The following GALNTL6 variants were observed in gnomAD, a reference collection of about 807,000 sequenced individuals.
GALNTL6 encodes the protein polypeptide N-acetylgalactosaminyltransferase-like 6.
A neutral mutation model predicts 73.7 loss-of-function variants in GALNTL6; 46 were observed. The ratio of observed to expected loss-of-function variants is 0.62; its 90% CI spans 0.49 to 0.80. GALNTL6 has a LOEUF of 0.80. GALNTL6 is among the 30% of genes least tolerant of loss of function. GALNTL6 has a pLI of 0.00. For missense variants in GALNTL6, 604 were observed against 755.0 expected (o/e 0.80, Z 2.34); for synonymous variants, 259 against 263.7 (o/e 0.98, Z 0.17).
At chr4:172,860,497 A>G (rs887899290) in intron 7 of GALNTL6, among the ~76,000 whole-genome samples, 1 of 152,156 alleles carries the variant, frequency 6.6e-6, no homozygotes, top group Non-Finnish European at 1.5e-5. Flanking sequence ...TTGAGGTTAA[A>G]TATCCCCAGC....
At chr4:172,062,799 C>T (rs1261548563) in intron 2 of GALNTL6, among the ~76,000 whole-genome samples, 1 of 152,232 alleles carries the variant, frequency 6.6e-6, no homozygotes, top group East Asian at 1.9e-4. Flanking sequence ...TTCTAGACCT[C>T]TGAATCTCCT....
At chr4:172,138,239 G>T (rs987629395) in intron 2 of GALNTL6, among the ~76,000 whole-genome samples, 1 of 151,110 alleles carries the variant, frequency 6.6e-6, no homozygotes, top group Non-Finnish European at 1.5e-5. Flanking sequence ...AGACTATACA[G>T]ATTATTATGA....
chr4:172,913,360 G>A (rs1252378781), intron 8 of GALNTL6, among the ~76,000 whole-genome samples: 3 of 152,212 alleles, frequency 2.0e-5, no homozygotes, highest in Non-Finnish European at 4.4e-5. Flanking sequence ...CTCCTCGCCA[G>A]CAACAGAACA....
At chr4:173,000,374 T>TA (rs1751994542) in intron 10 of GALNTL6, among the ~76,000 whole-genome samples, 2 of 152,170 alleles carry the variant, frequency 1.3e-5, no homozygotes, top group South Asian at 2.1e-4. Context: ...TAAAGACTCA[T>TA]AAAAAACCAC....
At chr4:172,871,442 A>G (rs1041869843) in intron 7 of GALNTL6, among the ~76,000 whole-genome samples, 3 of 151,900 alleles carry the variant, frequency 2.0e-5, no homozygotes, top group African/African-American at 7.2e-5. Flanking sequence ...AGATATGGCT[A>G]TACTGATCTA....
chr4:172,486,186 G>C (rs1045886641), intron 5 of GALNTL6, among the ~76,000 whole-genome samples: 3 of 152,014 alleles, frequency 2.0e-5, no homozygotes, highest in African/African-American at 7.2e-5. Flanking sequence ...TAAAAAGAAG[G>C]CTCCCAGCAA....
chr4:171,929,351 C>T (rs1053133710), intron 2 of GALNTL6, among the ~76,000 whole-genome samples: 7 of 152,144 alleles, frequency 4.6e-5, no homozygotes, highest in Non-Finnish European at 1.0e-4. Flanking sequence ...GGATTTTAGA[C>T]GTGAGCCTCC....
chr4:173,040,416 G>A lies in GALNTL6; in HGVS notation c.*316G>A. ...AGCATTTCTCAGGTCAAATCCTGCAGTAGTGAGTAGCTATGAATGGATCCT... is the reference window on the plus strand; with the variant it reads ...AGCATTTCTCAGGTCAAATCCTGCAATAGTGAGTAGCTATGAATGGATCCT... On this transcript the variant is annotated 3_prime_UTR_variant, in exon 13 of 13. Transcript: ENST00000506823. The A allele has an allele frequency of 3.3e-6, 1 of 300,994 alleles. No individual in the cohort carries two copies. The highest frequency in any genetic ancestry group is 6.2e-6 in the Non-Finnish European group (1 of 160,844). The allele number at this position is 300,994 out of a possible 1,614,324, so 18.6% of individuals were successfully genotyped here. A position where few individuals can be genotyped will look rare whatever the true frequency, so the allele number is the denominator to read the frequency against.
chr4:171,818,979 G>A (rs1244793267), intron 2 of GALNTL6, among the ~76,000 whole-genome samples: 1 of 151,630 alleles, frequency 6.6e-6, no homozygotes, highest in African/African-American at 2.4e-5. Context: ...GGTACCCAGT[G>A]TATGCAAACT....
At chr4:173,024,738 C>A (rs1753163175) in intron 12 of GALNTL6, among the ~76,000 whole-genome samples, 1 of 152,090 alleles carries the variant, frequency 6.6e-6, no homozygotes. Flanking sequence ...GACCACCATG[C>A]CCAGATAATT....
chr4:172,760,840 G>A (rs181987788), intron 5 of GALNTL6, among the ~76,000 whole-genome samples: 23 of 152,294 alleles, frequency 1.5e-4, no homozygotes, highest in Admixed American at 9.2e-4. Flanking sequence ...AGGGCCTTTC[G>A]TGATTGGTGG....
chr4:171,886,298 A>G (rs547235633), intron 2 of GALNTL6, among the ~76,000 whole-genome samples: 9 of 152,334 alleles, frequency 5.9e-5, no homozygotes, highest in African/African-American at 2.2e-4. Flanking sequence ...ATTATATCAA[A>G]GTAACCAGTC....
At chr4:172,606,087 A>G (rs372815757) in intron 5 of GALNTL6, among the ~76,000 whole-genome samples, 2 of 152,248 alleles carry the variant, frequency 1.3e-5, no homozygotes, top group East Asian at 3.9e-4. Context: ...GTCTATCATA[A>G]AGGGAAATGA....
chr4:172,112,819 G>C (rs1732890064), intron 2 of GALNTL6, among the ~76,000 whole-genome samples: 1 of 151,792 alleles, frequency 6.6e-6, no homozygotes, highest in Non-Finnish European at 1.5e-5. Flanking sequence ...GCCCCACAAA[G>C]AGATTCCTTA....
chr4:172,009,011 T>C (rs1579054511), intron 2 of GALNTL6, among the ~76,000 whole-genome samples: 1 of 152,058 alleles, frequency 6.6e-6, no homozygotes, highest in African/African-American at 2.4e-5. Flanking sequence ...GAGAGAAAAT[T>C]GGGCATATTT....
intron 7 of GALNTL6, among the ~76,000 whole-genome samples, chr4:172,850,031 T>C (rs1195099614): frequency 6.6e-6 from 1 of 152,184 alleles, no homozygotes; most frequent in African/African-American, 2.4e-5. Flanking sequence ...AAACCATGGA[T>C]TAATCTTACT....
chr4:171,918,383 G>A (rs1268080515), intron 2 of GALNTL6, among the ~76,000 whole-genome samples: 1 of 152,050 alleles, frequency 6.6e-6, no homozygotes, highest in Non-Finnish European at 1.5e-5. Flanking sequence ...GATGTGTCAT[G>A]TTCTGACTGA....
chr4:172,821,971 G>A (rs552657173), intron 7 of GALNTL6, among the ~76,000 whole-genome samples: 26 of 152,210 alleles, frequency 1.7e-4, no homozygotes, highest in African/African-American at 6.3e-4. Context: ...AGTCTCCAGG[G>A]AAATCACATC....
chr4:172,162,657 C>A (rs1006543824), intron 2 of GALNTL6, among the ~76,000 whole-genome samples: 1 of 151,930 alleles, frequency 6.6e-6, no homozygotes, highest in African/African-American at 2.4e-5. Flanking sequence ...TTAAAAAGAT[C>A]TTGTGGCTAT....
Sources: gnomAD v4.1 joint callset for allele counts (sites outside exome capture counted in the v4.1 genomes callset) on GRCh38, gnomAD v4.1.1 for gene constraint, MANE v1.5 for transcripts, NCBI Gene and HGNC (gene_info 2026-07-23, HGNC 2026-07-21) for gene names.